MCC: variants seen among roughly 807,000 people sequenced by gnomAD.
The protein encoded by MCC is MCC regulator of Wnt signaling pathway.
Under a neutral mutation model 116.2 loss-of-function variants are expected in MCC, and 90 were observed. That is an observed-to-expected ratio of 0.77 (90% CI 0.65 to 0.92). MCC has a LOEUF of 0.92. Ranked by LOEUF, MCC falls within the 40% of genes least tolerant of loss-of-function variation. The pLI is 0.00. For synonymous variants in MCC, 578 were observed against 510.5 expected (o/e 1.13, Z -1.78); for missense variants, 1,516 against 1,312.2 (o/e 1.16, Z -2.40).
At chr5:113,423,781 A>G (rs1770408236) in intron 1 of MCC, among the ~76,000 whole-genome samples, 1 of 152,110 alleles carries the variant, frequency 6.6e-6, no homozygotes, top group Non-Finnish European at 1.5e-5. Flanking sequence ...AGTTTTCTCA[A>G]CCCGGGCAGA....
intron 5 of MCC, among the ~76,000 whole-genome samples, chr5:113,134,008 T>C (rs1020288610): frequency 1.4e-4 from 21 of 152,252 alleles, no homozygotes; most frequent in Admixed American, 2.6e-4. Flanking sequence ...TGTGCAAATA[T>C]TGTCTCCCAT....
At chr5:113,330,501 G>A (rs1561526286) in intron 3 of MCC, among the ~76,000 whole-genome samples, 1 of 152,110 alleles carries the variant, frequency 6.6e-6, no homozygotes, top group Non-Finnish European at 1.5e-5. Flanking sequence ...CTTCAAAAAC[G>A]CAAAAAGTCA....
intron 8 of MCC, among the ~76,000 whole-genome samples, chr5:113,091,821 G>C (rs532650982): frequency 1.3e-5 from 2 of 152,150 alleles, no homozygotes; most frequent in East Asian, 3.9e-4. Flanking sequence ...GCAGGTCAAG[G>C]CCATGGTGGG....
intron 12 of MCC, 118 bp downstream of exon 12, chr5:113,070,976 C>T: frequency 1.7e-6 from 2 of 1,145,122 alleles, no homozygotes; most frequent in South Asian, 3.6e-5. Flanking sequence ...GCCAGATATG[C>T]CTTGGTCCAA....
chr5:113,240,957 C>A (rs564856159), intron 3 of MCC, among the ~76,000 whole-genome samples: 2 of 152,308 alleles, frequency 1.3e-5, no homozygotes, highest in South Asian at 4.1e-4. Context: ...CCCCATTCCA[C>A]AACACTGCTC....
intron 3 of MCC, chr5:113,294,882 G>A (rs1385634871): frequency 5.1e-6 from 5 of 985,668 alleles, no homozygotes; most frequent in Admixed American, 6.1e-5. Context: ...GCTAGAGGGA[G>A]CCGGAGCGGA....
chr5:113,141,234 T>C (rs1759165255), intron 5 of MCC, among the ~76,000 whole-genome samples: 6 of 152,232 alleles, frequency 3.9e-5, no homozygotes, highest in Admixed American at 3.9e-4. Flanking sequence ...GACCTGCACT[T>C]GCATTCCCCC....
intron 1 of MCC, among the ~76,000 whole-genome samples, chr5:113,467,501 C>T (rs578206702): frequency 3.6e-4 from 55 of 152,144 alleles, no homozygotes; most frequent in Admixed American, 1.1e-3. Flanking sequence ...TGTAGATATG[C>T]AGCATTATTT....
At chr5:113,200,571 C>T (rs1762631462) in intron 3 of MCC, among the ~76,000 whole-genome samples, 1 of 152,220 alleles carries the variant, frequency 6.6e-6, no homozygotes, top group Non-Finnish European at 1.5e-5. Flanking sequence ...CCCTGTTCCA[C>T]TTAGTTAGGC....
chr5:113,281,673 G>C (rs140958986), intron 3 of MCC, among the ~76,000 whole-genome samples: 2 of 152,190 alleles, frequency 1.3e-5, no homozygotes, highest in Non-Finnish European at 1.5e-5. Context: ...CCAGTATTCT[G>C]ACTTGACACT....
At chr5:113,454,031 A>T in intron 1 of MCC, among the ~76,000 whole-genome samples, 1 of 151,898 alleles carries the variant, frequency 6.6e-6, no homozygotes, top group Non-Finnish European at 1.5e-5. Context: ...AATTGCTTGA[A>T]CCCAGGAGGC....
intron 2 of MCC, among the ~76,000 whole-genome samples, chr5:113,342,896 C>T (rs970403072): frequency 6.6e-6 from 1 of 152,202 alleles, no homozygotes; most frequent in Non-Finnish European, 1.5e-5. Flanking sequence ...GGTCTATGCA[C>T]AGGACGTGTA....
chr5:113,074,425 G>C (rs537689497), intron 11 of MCC, among the ~76,000 whole-genome samples: 2 of 152,318 alleles, frequency 1.3e-5, no homozygotes, highest in African/African-American at 4.8e-5. Context: ...CACAAAGATG[G>C]GGAGAAACCA....
intron 13 of MCC, among the ~76,000 whole-genome samples, chr5:113,066,334 T>TA (rs1457208964): frequency 1.3e-5 from 2 of 152,186 alleles, no homozygotes; most frequent in Admixed American, 6.5e-5. Context: ...TATATTAATT[T>TA]AAAAAAATCC....
chr5:113,294,461 C>T lies in MCC; in HGVS notation c.627+46058G>A, dbSNP rs1766642455. 4.4e-6 allele frequency: 7 copies of T among 1,596,868 alleles called. No homozygotes were observed. The African/African-American group carries it at 6.7e-5, about 15-fold the overall frequency. On this transcript the variant is annotated intron_variant, in intron 3 of 18. Transcript: ENST00000408903. ...GAGTTGGACTTCACAGGCTCAATAT[C>T]CACTGCTTGGTCCCTTCTGCCACAT...
chr5:113,487,515 G>T (rs1772566755), intron 1 of MCC, among the ~76,000 whole-genome samples: 1 of 152,232 alleles, frequency 6.6e-6, no homozygotes, highest in Admixed American at 6.5e-5. Flanking sequence ...TAGGAAGTGC[G>T]GGGGATCCGA....
chr5:113,481,660 A>G (rs1267394884), intron 1 of MCC, among the ~76,000 whole-genome samples: 2 of 151,936 alleles, frequency 1.3e-5, no homozygotes, highest in Non-Finnish European at 2.9e-5. Flanking sequence ...AATCGCTTGA[A>G]CCCGGGAGGC....
rs1220369666 is a variant in MCC at position 113,053,961 on chromosome 5, T to C, written c.2214-2A>G. On this transcript the variant is annotated splice_acceptor_variant, in intron 14 of 18. Coordinates refer to ENST00000408903, the MANE Select transcript of MCC (RefSeq NM_001085377.2). LOFTEE classifies it high-confidence loss of function. Reference sequence around the variant, plus strand: ...CTACTGGCTGTGGAGCTGGTTGTGCTGAGAAAGAAGAAAAACAAAGACCCA... The same window carrying C: ...CTACTGGCTGTGGAGCTGGTTGTGCCGAGAAAGAAGAAAAACAAAGACCCA... 6.2e-7 allele frequency: 1 copy of C among 1,606,286 alleles called. No individual in the cohort carries two copies. Among genetic ancestry groups the C allele is most frequent in the Non-Finnish European group, 8.5e-7 (1 of 1,173,714 alleles).
intron 1 of MCC, among the ~76,000 whole-genome samples, chr5:113,475,007 A>T (rs1236488988): frequency 1.3e-5 from 2 of 152,230 alleles, no homozygotes; most frequent in African/African-American, 4.8e-5. Flanking sequence ...TAAATGCAGA[A>T]TTCTGATATT....
Sources: allele counts gnomAD v4.1 joint callset (sites outside exome capture counted in the v4.1 genomes callset), GRCh38; gene constraint gnomAD v4.1.1; transcripts MANE v1.5; gene names NCBI Gene and HGNC (gene_info 2026-07-23, HGNC 2026-07-21).